The following TMEM266 variants were observed in gnomAD, a reference collection of about 807,000 sequenced individuals.
TMEM266 encodes the protein Hv1 related protein 1.
A neutral mutation model predicts 50.5 loss-of-function variants in TMEM266; 33 were observed. The ratio of observed to expected loss-of-function variants is 0.65; its 90% confidence interval spans 0.50 to 0.87. The LOEUF is 0.87. Among genes scored for constraint, TMEM266 ranks in the 40% least tolerant of loss-of-function variants. TMEM266 has a pLI of 0.00. For synonymous variants in TMEM266, 310 were observed against 292.3 expected (o/e 1.06, Z -0.62); for missense variants, 655 against 695.1 (o/e 0.94, Z 0.65).
chr15:76,192,216 C>G, intron 9 of TMEM266, 59 bp downstream of exon 9: 1 of 1,369,708 alleles, frequency 7.3e-7, no homozygotes. Flanking sequence ...CCCTCGCCTC[C>G]CTCTCGCGCC....
At chr15:76,165,804 G>A (rs78378367) in intron 5 of TMEM266, among the ~76,000 whole-genome samples, 4 of 152,206 alleles carry the variant, frequency 2.6e-5, no homozygotes, top group Admixed American at 1.3e-4. Flanking sequence ...AGGAATGATC[G>A]GAGCCAGAAA....
In TMEM266 at chr15:76,109,463, C is replaced by T. The variant is rs183083409; in HGVS notation, c.-96-24705C>T. On this transcript the variant is annotated intron_variant, in intron 1 of 10. Transcript: ENST00000388942. ...GATAATTAAACATTTTTAAAGACTCCGCATGCTTGGCAATGATTACACACT... is the reference window on the plus strand; with the variant it reads ...GATAATTAAACATTTTTAAAGACTCTGCATGCTTGGCAATGATTACACACT... Among the ~76,000 whole-genome samples, 66 of 152,282 alleles carry T rather than the reference C, an allele frequency of 4.3e-4. 1 individual carries two copies. Among genetic ancestry groups the T allele is most frequent in the Admixed American group, 3.9e-3 (59 of 15,296 alleles).
Position 76,093,828 on chromosome 15 carries a change from C to A in TMEM266, c.-97+33812C>A, listed in dbSNP as rs181147505. On this transcript the variant is annotated intron_variant, in intron 1 of 10. Transcript: ENST00000388942. The stretch of plus-strand genomic sequence containing the variant: ...CATTTTAACTGGTGGGAGATGGTAT[C>A]TTATTGTGGTTTTGATTTGCATTTC... 1.1e-3 allele frequency among the ~76,000 whole-genome samples: 164 copies of A among 152,162 alleles called. 2 individuals are homozygous for A. The South Asian group carries it at 0.016, about 15-fold the overall frequency.
chr15:76,122,777 TG>T (rs897684980), intron 1 of TMEM266, among the ~76,000 whole-genome samples: 12 of 152,090 alleles, frequency 7.9e-5, no homozygotes, highest in African/African-American at 2.7e-4. Context: ...GATTGCTTGC[TG>T]GGTGGTATTA....
chr15:76,188,167 C>T (rs113979216), intron 8 of TMEM266, among the ~76,000 whole-genome samples: 3,574 of 150,920 alleles, frequency 0.024, 151 homozygotes, highest in African/African-American at 0.083. Context: ...TTTGTTTTCA[C>T]GCTGCTAATA....
intron 1 of TMEM266, among the ~76,000 whole-genome samples, chr15:76,095,547 G>T (rs1208692684): frequency 1.3e-5 from 2 of 151,920 alleles, no homozygotes; most frequent in Non-Finnish European, 2.9e-5. Flanking sequence ...CGCATCGATT[G>T]TCATCAGGGA....
At chr15:76,128,210 A>C (rs531893508) in intron 1 of TMEM266, among the ~76,000 whole-genome samples, 2 of 152,224 alleles carry the variant, frequency 1.3e-5, no homozygotes, top group Non-Finnish European at 2.9e-5. Flanking sequence ...AAAGCAGGTC[A>C]TGTGTGCCAT....
intron 1 of TMEM266, among the ~76,000 whole-genome samples, chr15:76,071,016 T>C (rs1474940310): frequency 6.6e-6 from 1 of 152,180 alleles, no homozygotes; most frequent in South Asian, 2.1e-4. Context: ...GTCTGGTTTG[T>C]CCCGGGGAAG....
Position 76,170,807 on chromosome 15 carries a change from C to T in TMEM266, c.514-186C>T, listed in dbSNP as rs533711629. Among the ~76,000 whole-genome samples, 345 of 152,262 alleles carry T rather than the reference C, an allele frequency of 2.3e-3. 2 individuals are homozygous for T. Among genetic ancestry groups the T allele is most frequent in the Admixed American group, 4.4e-3 (67 of 15,298 alleles). On this transcript the variant is annotated intron_variant, in intron 6 of 10. Coordinates refer to ENST00000388942, the MANE Select transcript of TMEM266 (RefSeq NM_152335.3). ...GGAGGACAGAGTGCATTCAGGAGAA[C>T]GTCTAGGAGGAGGAGGCCCCTAAAG...
intron 1 of TMEM266, among the ~76,000 whole-genome samples, chr15:76,095,320 T>C (rs577484740): frequency 1.3e-5 from 2 of 152,232 alleles, no homozygotes; most frequent in South Asian, 4.1e-4. Context: ...GTTTTTAGCA[T>C]GAAGGGCTGT....
At position 76,153,328 on chromosome 15, in the gene TMEM266, T is replaced by C. The variant is rs1420091838; in HGVS notation, c.228-3276T>C. ...CTCCTCTGGGGTAGAAGGAGCAGTG[T>C]CTTAGGGATGTCCAAGGCACGAAGG... On this transcript the variant is annotated intron_variant, in intron 3 of 10. Transcript: ENST00000388942. The surrounding 1 kb of genome is among the most constrained non-coding windows in gnomAD (Gnocchi z 4.2). 6.6e-6 allele frequency among the ~76,000 whole-genome samples: 1 copy of C among 152,150 alleles called. No individual in the cohort carries two copies. The highest frequency in any genetic ancestry group is 2.4e-5 in the African/African-American group (1 of 41,430).
chr15:76,126,809 G>A lies in TMEM266; in HGVS notation c.-96-7359G>A, dbSNP rs139072882. On this transcript the variant is annotated intron_variant, in intron 1 of 10. Transcript: ENST00000388942. ...CTCCCAAAGTGCTGGGATTACAGGC[G>A]TGAGCCACTGTGCCCAGCCTATATG... Among the ~76,000 whole-genome samples, 1,426 of 152,152 alleles carry A rather than the reference G, an allele frequency of 9.4e-3. 20 individuals carry two copies. The highest frequency in any genetic ancestry group is 0.032 in the African/African-American group (1,343 of 41,490).
At chr15:76,126,422 T>TA (rs1246922753) in intron 1 of TMEM266, among the ~76,000 whole-genome samples, 3 of 150,260 alleles carry the variant, frequency 2.0e-5, no homozygotes, top group African/African-American at 7.3e-5. Flanking sequence ...ATTCAGCCTT[T>TA]AAAAAGAGCT....
chr15:76,200,029 A>G (rs779389150), intron 9 of TMEM266, among the ~76,000 whole-genome samples: 8 of 152,120 alleles, frequency 5.3e-5, no homozygotes, highest in Non-Finnish European at 1.0e-4. Context: ...TTAAATGCTA[A>G]TGGGCCGTTT....
intron 6 of TMEM266, among the ~76,000 whole-genome samples, chr15:76,170,677 C>T (rs114323647): frequency 0.017 from 2,533 of 152,352 alleles, 66 homozygotes; most frequent in African/African-American, 0.058. Flanking sequence ...TCCAGCTTGG[C>T]CTCTGCCCAG....
chr15:76,081,846 T>G (rs1449508233), intron 1 of TMEM266, among the ~76,000 whole-genome samples: 1 of 152,240 alleles, frequency 6.6e-6, no homozygotes, highest in East Asian at 1.9e-4. Flanking sequence ...GATGGCATTA[T>G]GCAGATTCAG....
intron 8 of TMEM266, among the ~76,000 whole-genome samples, chr15:76,188,698 A>G (rs1195487794): frequency 6.6e-6 from 1 of 152,214 alleles, no homozygotes; most frequent in Non-Finnish European, 1.5e-5. Flanking sequence ...CCAAGATTCA[A>G]TCACCTCCCA....
chr15:76,082,936 T>C (rs2036716873), intron 1 of TMEM266, among the ~76,000 whole-genome samples: 1 of 151,676 alleles, frequency 6.6e-6, no homozygotes, highest in South Asian at 2.1e-4. Flanking sequence ...ACCATTGCAC[T>C]CCAGGCTGGG....
intron 1 of TMEM266, among the ~76,000 whole-genome samples, chr15:76,129,092 C>T (rs1283174434): frequency 6.6e-6 from 1 of 151,686 alleles, no homozygotes; most frequent in South Asian, 2.1e-4. Context: ...TGAATAGAAG[C>T]TGACCAATGA....
Sources: gnomAD v4.1 joint callset for allele counts (sites outside exome capture counted in the v4.1 genomes callset) on GRCh38, gnomAD v4.1.1 for gene constraint, Gnocchi (gnomAD v3.1) non-coding constraint, MANE v1.5 for transcripts, NCBI Gene and HGNC (gene_info 2026-07-23, HGNC 2026-07-21) for gene names.